Variants in RBFOX1 observed in about 807,000 individuals in gnomAD.
RBFOX1 encodes the protein RNA binding protein fox-1 homolog 1.
A neutral mutation model predicts 57.7 loss-of-function variants in RBFOX1; 8 were observed. The ratio of observed to expected loss-of-function variants is 0.14; its 90% CI spans 0.08 to 0.25. The LOEUF (loss-of-function observed/expected upper bound fraction) is 0.25, where lower values mean the gene tolerates loss of function less well. RBFOX1 is among the 10% of genes least tolerant of loss of function. The probability of loss-of-function intolerance (pLI) is 1.00; values close to 1 mark genes in which losing one functional copy is unlikely to be tolerated. For missense variants in RBFOX1, 611 were observed against 548.5 expected (o/e 1.11, Z -1.14); for synonymous variants, 326 against 222.4 (o/e 1.47, Z -4.15).
chr16:7,702,400 C>T (rs569255163), intron 14 of RBFOX1, among the ~76,000 whole-genome samples: 2 of 152,156 alleles, frequency 1.3e-5, no homozygotes, highest in African/African-American at 4.8e-5. Flanking sequence ...TGCAGAATTG[C>T]CAAGAGATTT....
chr16:6,620,011 C>T (rs1404761946), intron 2 of RBFOX1, among the ~76,000 whole-genome samples: 1 of 152,176 alleles, frequency 6.6e-6, no homozygotes, highest in East Asian at 1.9e-4. Flanking sequence ...CCTCCACTTC[C>T]ATCCATGTTC....
chr16:6,572,373 G>A (rs2097356685), intron 2 of RBFOX1, among the ~76,000 whole-genome samples: 1 of 152,124 alleles, frequency 6.6e-6, no homozygotes, highest in Non-Finnish European at 1.5e-5. Context: ...ATTAAAGGTT[G>A]AAGAACGTTT....
chr16:6,308,396 A>G (rs1020764912), intron 1 of RBFOX1, among the ~76,000 whole-genome samples: 4 of 152,236 alleles, frequency 2.6e-5, no homozygotes, highest in African/African-American at 7.2e-5. Flanking sequence ...CCTTTGTGGC[A>G]TGAAAGCAAT....
At chr16:7,394,235 C>CAAAAAAAAAAAAAAAA in intron 4 of RBFOX1, among the ~76,000 whole-genome samples, 1 of 55,038 alleles carries the variant, frequency 1.8e-5, no homozygotes, top group South Asian at 9.1e-4. Context: ...GACTCCGCAT[C>CAAAAAAAAAAAAAAAA]AAAAAAAAAA....
chr16:5,665,140 GC>G (rs74440116), intron 3 of RBFOX1, among the ~76,000 whole-genome samples: 5,363 of 109,354 alleles, frequency 0.049, 441 homozygotes, highest in Non-Finnish European at 0.076. Flanking sequence ...ATGGGGGGGG[GC>G]GGTCTTGCTA....
chr16:7,217,718 T>C (rs542063953), intron 4 of RBFOX1, among the ~76,000 whole-genome samples: 1 of 152,290 alleles, frequency 6.6e-6, no homozygotes, highest in South Asian at 2.1e-4. Context: ...CAATTTCTTC[T>C]GAGAAAAAGC....
At chr16:7,561,506 C>T (rs560259730) in intron 5 of RBFOX1, among the ~76,000 whole-genome samples, 53 of 152,348 alleles carry the variant, frequency 3.5e-4, no homozygotes, top group Non-Finnish European at 5.9e-4. Context: ...AATATCCTGA[C>T]TAGTGTCAAT....
At chr16:5,481,736 C>T (rs1694925204) in intron 2 of RBFOX1, among the ~76,000 whole-genome samples, 1 of 152,176 alleles carries the variant, frequency 6.6e-6, no homozygotes. Context: ...ATTCTGCCAT[C>T]ATTCTGGAGG....
chr16:7,268,380 C>G (rs908989640), intron 4 of RBFOX1, among the ~76,000 whole-genome samples: 1 of 152,180 alleles, frequency 6.6e-6, no homozygotes, highest in African/African-American at 2.4e-5. Flanking sequence ...CCTTGGAGGA[C>G]TCGCTCTCAC....
At chr16:6,531,834 C>T (rs933949498) in intron 2 of RBFOX1, among the ~76,000 whole-genome samples, 16 of 152,286 alleles carry the variant, frequency 1.1e-4, no homozygotes, top group African/African-American at 2.4e-4. Context: ...CAGTTAATTA[C>T]AGGGACAGTC....
intron 3 of RBFOX1, among the ~76,000 whole-genome samples, chr16:5,793,255 G>A (rs1442353009): frequency 6.6e-6 from 1 of 152,218 alleles, no homozygotes; most frequent in Non-Finnish European, 1.5e-5. Context: ...TGCCCACCGT[G>A]GGCAGCCCTG....
At chr16:6,176,698 T>C (rs1433967342) in intron 1 of RBFOX1, among the ~76,000 whole-genome samples, 1 of 151,948 alleles carries the variant, frequency 6.6e-6, no homozygotes, top group Non-Finnish European at 1.5e-5. Flanking sequence ...GGTCATTTTT[T>C]TTTTTCTTTT....
chr16:6,831,725 G>A (rs919593363), intron 3 of RBFOX1, among the ~76,000 whole-genome samples: 14 of 152,110 alleles, frequency 9.2e-5, no homozygotes, highest in African/African-American at 3.1e-4. Context: ...CATCTCTTGG[G>A]TTTGAGAAGA....
chr16:7,510,208 A>T (rs1011019186), intron 4 of RBFOX1: 1 of 985,676 alleles, frequency 1.0e-6, no homozygotes, highest in African/African-American at 1.7e-5. Flanking sequence ...CAGCGCGCAC[A>T]CCCTCGCTCG....
chr16:7,031,798 T>G (rs528518299), intron 3 of RBFOX1, among the ~76,000 whole-genome samples: 1 of 152,224 alleles, frequency 6.6e-6, no homozygotes, highest in Middle Eastern at 3.4e-3. Context: ...ATGGCTTGTG[T>G]CTCATGGGGC....
intron 1 of RBFOX1, among the ~76,000 whole-genome samples, chr16:5,288,688 A>G (rs1198900775): frequency 6.8e-6 from 1 of 146,874 alleles, no homozygotes; most frequent in Non-Finnish European, 1.5e-5. Flanking sequence ...CCCAATACAA[A>G]TGAAAACTGC....
intron 3 of RBFOX1, among the ~76,000 whole-genome samples, chr16:5,683,328 G>A (rs1218684075): frequency 6.6e-6 from 1 of 152,102 alleles, no homozygotes; most frequent in Non-Finnish European, 1.5e-5. Context: ...TCCCTTAGGT[G>A]AGAACCACTG....
intron 1 of RBFOX1, among the ~76,000 whole-genome samples, chr16:6,216,283 A>G (rs2097335363): frequency 6.6e-6 from 1 of 152,130 alleles, no homozygotes; most frequent in Admixed American, 6.6e-5. Context: ...AACGTAAAAT[A>G]AAAGTATAAA....
chr16:6,403,765 G>A (rs1205127004), intron 2 of RBFOX1, among the ~76,000 whole-genome samples: 2 of 152,124 alleles, frequency 1.3e-5, no homozygotes, highest in African/African-American at 4.8e-5. Flanking sequence ...TTCATGCATT[G>A]ACTCAAGTGT....
Sources: gnomAD v4.1 joint callset for allele counts (sites outside exome capture counted in the v4.1 genomes callset) on GRCh38, gnomAD v4.1.1 for gene constraint, MANE v1.5 for transcripts, NCBI Gene and HGNC (gene_info 2026-07-23, HGNC 2026-07-21) for gene names.